The following NRP1 variants were observed in gnomAD, a reference collection of about 807,000 sequenced individuals.
NRP1 encodes neuropilin-1.
A neutral mutation model predicts 106.7 loss-of-function variants in NRP1; 35 were observed. That is an observed-to-expected ratio of 0.33 (90% CI 0.25 to 0.43). NRP1 has a LOEUF of 0.43. Among genes scored for constraint, NRP1 ranks in the 20% least tolerant of loss-of-function variants. The pLI, the probability that NRP1 is intolerant of heterozygous loss-of-function variation, is 1.00. For missense variants in NRP1, 1,024 were observed against 1,170.4 expected (o/e 0.87, Z 1.83); for synonymous variants, 437 against 417.9 (o/e 1.05, Z -0.56).
intron 3 of NRP1, among the ~76,000 whole-genome samples, chr10:33,267,291 T>G (rs1333098200): frequency 1.3e-5 from 2 of 152,076 alleles, no homozygotes; most frequent in African/African-American, 4.8e-5. Flanking sequence ...ACACAGGAGA[T>G]GAGAATACAA....
In NRP1 at chr10:33,185,652, G is replaced by T; in HGVS notation, c.2407C>A (p.His803Asn). The T allele has an allele frequency of 6.2e-7, 1 of 1,613,864 alleles. No individual in the cohort carries two copies. The highest frequency in any genetic ancestry group is 8.5e-7 in the Non-Finnish European group (1 of 1,179,804). The change falls in exon 15 of 17, where the codon CAC becomes AAC. Residue 803 changes from histidine (H) to asparagine (N), a missense_variant. His to Asn is a moderately conservative substitution (Grantham distance 68). Transcript: ENST00000374867. ...IAVDDISINNHISQEDCAKPA... is the reference protein window; with the variant it reads ...IAVDDISINNNISQEDCAKPA... The stretch of plus-strand genomic sequence containing the variant: ...CTTGCACAATCTTCTTGTGAAATGT[G>T]GTTATTAATACTAATGTCATCCACA...
At chr10:33,220,803 A>C (rs1839172103) in intron 8 of NRP1, among the ~76,000 whole-genome samples, 1 of 150,758 alleles carries the variant, frequency 6.6e-6, no homozygotes, top group African/African-American at 2.4e-5. Context: ...CAGGAGGCTG[A>C]AGCAGGAGAA....
intron 15 of NRP1, among the ~76,000 whole-genome samples, chr10:33,183,128 T>G (rs1835788471): frequency 6.6e-6 from 1 of 151,986 alleles, no homozygotes; most frequent in South Asian, 2.1e-4. Context: ...GCTAGGAGTT[T>G]AGGACCAGCC....
Position 33,277,640 on chromosome 10 carries a change from C to T in NRP1, c.249-6784G>A, listed in dbSNP as rs939876548. ...CACAACCTGGCTGCTGTCCTCCCAG[C>T]TCTTAGTATGTGGTCAAATGCCAAA... On this transcript the variant is annotated intron_variant, in intron 2 of 16. Coordinates refer to ENST00000374867, the MANE Select transcript of NRP1 (RefSeq NM_003873.7). 1.1e-4 allele frequency among the ~76,000 whole-genome samples: 16 copies of T among 152,182 alleles called. 1 individual carries two copies. Among genetic ancestry groups the T allele is most frequent in the Non-Finnish European group, 2.9e-5 (2 of 68,034 alleles).
Position 33,180,239 on chromosome 10 carries a change from A to G in NRP1, c.2609T>C (p.Leu870Pro). 1 of 1,614,144 alleles carries G rather than the reference A, an allele frequency of 6.2e-7. No individual in the cohort carries two copies. Among genetic ancestry groups the G allele is most frequent in the Non-Finnish European group, 8.5e-7 (1 of 1,180,022 alleles). The change falls in exon 17 of 17, where the codon CTC (leucine) becomes CCC (proline). Residue 870 changes from leucine (L) to proline (P), a missense_variant. Around this residue, in one of 5 missense-constraint regions of NRP1, gnomAD observed 164 missense variants for 161.4 expected, o/e 1.02. Coordinates refer to ENST00000374867, the MANE Select transcript of NRP1 (RefSeq NM_003873.7). The part of the protein sequence containing the change: ...TIIAMSALGV[L>P]LGAVCGVVLY... ...CACGACCCCACAGACAGCCCCCAGG[A>G]GGACCCCCAGGGCACTCATGGCTAT...
intron 2 of NRP1, among the ~76,000 whole-genome samples, chr10:33,305,793 G>A (rs1194268110): frequency 1.3e-5 from 2 of 150,770 alleles, no homozygotes; most frequent in Non-Finnish European, 2.9e-5. Flanking sequence ...CTTTGAGATA[G>A]AGTCTCACTG....
chr10:33,271,545 T>C (rs1843312347), intron 2 of NRP1, among the ~76,000 whole-genome samples: 1 of 152,232 alleles, frequency 6.6e-6, no homozygotes, highest in African/African-American at 2.4e-5. Flanking sequence ...CTAGTCTGAA[T>C]ATTTAAAGGA....
intron 5 of NRP1, among the ~76,000 whole-genome samples, chr10:33,255,160 A>G (rs1366936950): frequency 6.6e-6 from 1 of 152,210 alleles, no homozygotes; most frequent in Non-Finnish European, 1.5e-5. Flanking sequence ...TCAATAACAG[A>G]TAAGGTTTTA....
chr10:33,206,634 G>A (rs1401610507), intron 10 of NRP1, among the ~76,000 whole-genome samples: 1 of 152,210 alleles, frequency 6.6e-6, no homozygotes, highest in East Asian at 1.9e-4. Flanking sequence ...ACAACTGTGA[G>A]CATATATGCT....
intron 2 of NRP1, among the ~76,000 whole-genome samples, chr10:33,323,154 C>T (rs1847637088): frequency 6.6e-6 from 1 of 152,088 alleles, no homozygotes; most frequent in Non-Finnish European, 1.5e-5. Context: ...GAATGGCTTA[C>T]CTCAGGAGTT....
intron 2 of NRP1, among the ~76,000 whole-genome samples, chr10:33,312,318 C>T (rs984618953): frequency 2.0e-5 from 3 of 152,194 alleles, no homozygotes; most frequent in Non-Finnish European, 4.4e-5. Context: ...GTTTAAAACA[C>T]ATCTGTGTCC....
chr10:33,307,802 C>T (rs906314052), intron 2 of NRP1, among the ~76,000 whole-genome samples: 1 of 152,100 alleles, frequency 6.6e-6, no homozygotes, highest in Non-Finnish European at 1.5e-5. Context: ...ATGTGATTTA[C>T]CAAATGCTTG....
intron 8 of NRP1, among the ~76,000 whole-genome samples, chr10:33,214,048 A>G (rs1180078771): frequency 6.6e-6 from 1 of 152,206 alleles, no homozygotes; most frequent in African/African-American, 2.4e-5. Flanking sequence ...GGCCCTGCTT[A>G]AGAGAAGTTC....
rs1403048969 is a variant in NRP1, at chr10:33,320,179, G to A, written c.248+10529C>T. Among the ~76,000 whole-genome samples the A allele has an allele frequency of 9.2e-5, 14 of 152,100 alleles. No homozygotes were observed. In the East Asian group the frequency reaches 2.8e-3, roughly 30 times the overall value. ...ATACAAAAAATTAGCTGGGCGTGGTGGCGTGTGCCTGTAGTCCCAGCTACT... is the reference window on the plus strand; with the variant it reads ...ATACAAAAAATTAGCTGGGCGTGGTAGCGTGTGCCTGTAGTCCCAGCTACT... On this transcript the variant is annotated intron_variant, in intron 2 of 16. Transcript: ENST00000374867.
At chr10:33,228,833 G>T (rs1286385117) in intron 6 of NRP1, among the ~76,000 whole-genome samples, 1 of 152,082 alleles carries the variant, frequency 6.6e-6, no homozygotes, top group Non-Finnish European at 1.5e-5. Flanking sequence ...GAATTTAATA[G>T]AATTTAATAT....
intron 11 of NRP1, among the ~76,000 whole-genome samples, chr10:33,199,365 T>TTATATATA (rs57582967): frequency 0.019 from 1,189 of 64,194 alleles, 58 homozygotes; most frequent in Non-Finnish European, 0.027. Context: ...CCTGGCTGTT[T>TTATATATA]TCTATATATA....
intron 2 of NRP1, among the ~76,000 whole-genome samples, chr10:33,280,021 C>T (rs1338747283): frequency 6.6e-6 from 1 of 152,138 alleles, no homozygotes; most frequent in Non-Finnish European, 1.5e-5. Flanking sequence ...CAAGATTGCC[C>T]AACACACGTC....
chr10:33,246,846 A>C (rs1159850003), intron 6 of NRP1, among the ~76,000 whole-genome samples: 1 of 152,186 alleles, frequency 6.6e-6, no homozygotes. Flanking sequence ...GAGTGTTTAC[A>C]ATCAGGATAA....
At chr10:33,190,541 G>T (rs2132620574) in intron 13 of NRP1, among the ~76,000 whole-genome samples, 1 of 152,310 alleles carries the variant, frequency 6.6e-6, no homozygotes, top group East Asian at 1.9e-4. Context: ...TATTCACTGG[G>T]AGAAAAGTGA....
Sources: allele counts gnomAD v4.1 joint callset (sites outside exome capture counted in the v4.1 genomes callset), GRCh38; gene constraint gnomAD v4.1.1; regional missense constraint gnomAD v4.1.1; transcripts MANE v1.5; gene names NCBI Gene and HGNC (gene_info 2026-07-23, HGNC 2026-07-21).